Variants in ZNF385D observed in about 807,000 individuals in gnomAD.
ZNF385D encodes zinc finger protein 385D.
Under a neutral mutation model 35.8 loss-of-function variants are expected in ZNF385D, and 15 were observed. That is an observed-to-expected ratio of 0.42 (90% CI 0.28 to 0.64). The LOEUF (loss-of-function observed/expected upper bound fraction) is 0.64. Ranked by LOEUF, ZNF385D falls within the 30% of genes least tolerant of loss-of-function variation. The probability of loss-of-function intolerance (pLI) is 0.23; values close to 1 mark genes in which losing one functional copy is unlikely to be tolerated. For missense variants in ZNF385D, 474 were observed against 494.6 expected, an observed-to-expected ratio of 0.96 and a Z score of 0.39; for synonymous variants, 212 against 186.8, an observed-to-expected ratio of 1.13 and a Z score of -1.10.
At chr3:21,949,725 G>A (rs1701972471) in intron 3 of ZNF385D, among the ~76,000 whole-genome samples, 1 of 151,870 alleles carries the variant, frequency 6.6e-6, no homozygotes, top group Non-Finnish European at 1.5e-5. Context: ...CCAGCCAACA[G>A]GCCCTGGTGT....
At chr3:21,737,917 C>T (rs1035409904) in intron 1 of ZNF385D, among the ~76,000 whole-genome samples, 8 of 152,224 alleles carry the variant, frequency 5.3e-5, no homozygotes, top group Non-Finnish European at 7.3e-5. Context: ...CATCTCCTAG[C>T]TCACAGCACT....
chr3:21,965,875 A>G (rs1702885041), intron 3 of ZNF385D, among the ~76,000 whole-genome samples: 1 of 152,202 alleles, frequency 6.6e-6, no homozygotes, highest in Non-Finnish European at 1.5e-5. Context: ...GAAGAAGAAG[A>G]GATAACAATA....
intron 2 of ZNF385D, among the ~76,000 whole-genome samples, chr3:22,262,415 C>A (rs1700678916): frequency 6.6e-6 from 1 of 151,724 alleles, no homozygotes; most frequent in Admixed American, 6.6e-5. Context: ...ATGGTAAACC[C>A]AATCATTGAG....
chr3:21,622,135 T>G (rs1226805283), intron 2 of ZNF385D, among the ~76,000 whole-genome samples: 1 of 152,110 alleles, frequency 6.6e-6, no homozygotes, highest in Non-Finnish European at 1.5e-5. Flanking sequence ...AAGACTCTGA[T>G]GCCATAAAAT....
chr3:22,352,050 A>G (rs1477243013), intron 2 of ZNF385D, among the ~76,000 whole-genome samples: 1 of 152,198 alleles, frequency 6.6e-6, no homozygotes, highest in Non-Finnish European at 1.5e-5. Context: ...GCCAGCCACA[A>G]ACCTTTACAC....
intron 1 of ZNF385D, among the ~76,000 whole-genome samples, chr3:21,687,784 C>T (rs554022362): frequency 5.9e-5 from 9 of 152,134 alleles, no homozygotes; most frequent in Admixed American, 2.0e-4. Context: ...AAGAAAAAAC[C>T]GATGATTCAC....
chr3:21,973,760 G>A (rs1169701947), intron 3 of ZNF385D, among the ~76,000 whole-genome samples: 1 of 151,790 alleles, frequency 6.6e-6, no homozygotes, highest in Non-Finnish European at 1.5e-5. Flanking sequence ...GCAAAAATCA[G>A]TACCATTTCT....
chr3:22,198,017 C>T (rs1948377), intron 2 of ZNF385D, among the ~76,000 whole-genome samples: 122,415 of 151,966 alleles, frequency 0.81, 50,014 homozygotes, highest in African/African-American at 0.95. Flanking sequence ...CCCTATATAT[C>T]TGTGTATTGC....
intron 1 of ZNF385D, among the ~76,000 whole-genome samples, chr3:21,702,539 G>A (rs949705573): frequency 5.3e-5 from 8 of 152,220 alleles, no homozygotes; most frequent in African/African-American, 1.9e-4. Context: ...TAGGCTCCTT[G>A]CTACTTATGC....
At chr3:21,668,999 T>C (rs953934072) in intron 1 of ZNF385D, among the ~76,000 whole-genome samples, 1 of 152,206 alleles carries the variant, frequency 6.6e-6, no homozygotes, top group Non-Finnish European at 1.5e-5. Context: ...ACAATGTCAC[T>C]TTATTCATTG....
intron 3 of ZNF385D, among the ~76,000 whole-genome samples, chr3:21,958,013 G>C (rs1400727534): frequency 1.3e-5 from 2 of 152,112 alleles, no homozygotes; most frequent in East Asian, 3.9e-4. Flanking sequence ...CCGCCAGTGT[G>C]CCCGAGTGTT....
chr3:21,765,545 G>A (rs1279723381), intron 3 of ZNF385D, among the ~76,000 whole-genome samples: 1 of 152,018 alleles, frequency 6.6e-6, no homozygotes, highest in Non-Finnish European at 1.5e-5. Context: ...CTAAGAGATG[G>A]AGAAGGAACG....
chr3:21,432,251 C>T (rs1022347664), intron 5 of ZNF385D, among the ~76,000 whole-genome samples: 15 of 86,508 alleles, frequency 1.7e-4, no homozygotes, highest in African/African-American at 6.9e-4. Context: ...ATCTGCTCAA[C>T]AAATTTTAAT....
chr3:22,136,323 G>T (rs570044630), intron 3 of ZNF385D, among the ~76,000 whole-genome samples: 65 of 152,166 alleles, frequency 4.3e-4, no homozygotes, highest in Non-Finnish European at 8.5e-4. Context: ...GGGAGGCAGA[G>T]GTTGCACTGA....
chr3:22,181,672 T>C (rs897354434), intron 2 of ZNF385D, among the ~76,000 whole-genome samples: 1 of 131,768 alleles, frequency 7.6e-6, no homozygotes, highest in African/African-American at 3.0e-5. Flanking sequence ...CACTCCGGCC[T>C]GGGCGAAAGA....
chr3:21,599,581 T>C (rs188392982), intron 2 of ZNF385D, among the ~76,000 whole-genome samples: 54 of 152,336 alleles, frequency 3.5e-4, no homozygotes, highest in Admixed American at 7.2e-4. Context: ...GTGTTATTCT[T>C]CCTGTTTAAC....
At chr3:22,046,620 T>C (rs933001353) in intron 3 of ZNF385D, among the ~76,000 whole-genome samples, 9 of 152,144 alleles carry the variant, frequency 5.9e-5, no homozygotes, top group South Asian at 2.1e-4. Flanking sequence ...ATATAAGCAA[T>C]TGCAAATATA....
At chr3:21,897,347 A>C (rs1390052559) in intron 3 of ZNF385D, among the ~76,000 whole-genome samples, 1 of 152,180 alleles carries the variant, frequency 6.6e-6, no homozygotes, top group Non-Finnish European at 1.5e-5. Context: ...TATAATAAGA[A>C]CATATACCTC....
chr3:21,964,495 T>C (rs377368077), intron 3 of ZNF385D, among the ~76,000 whole-genome samples: 12,230 of 109,346 alleles, frequency 0.11, 910 homozygotes, highest in South Asian at 0.27. Context: ...TTTTTTTTTT[T>C]TTTTTTTTTT....
Sources: gnomAD v4.1 joint callset for allele counts (sites outside exome capture counted in the v4.1 genomes callset) on GRCh38, gnomAD v4.1.1 for gene constraint, MANE v1.5 for transcripts, NCBI Gene and HGNC (gene_info 2026-07-23, HGNC 2026-07-21) for gene names.